The following CFAP61 variants were observed in gnomAD, a reference collection of about 807,000 sequenced individuals.
CFAP61 encodes cilia and flagella associated protein 61, also known as cilia- and flagella-associated protein 61.
In CFAP61, 107 loss-of-function variants were observed where a neutral mutation model predicts 135.6. The observed-to-expected ratio is 0.79, with a 90% CI of 0.67 to 0.93. The LOEUF (loss-of-function observed/expected upper bound fraction) is 0.93, where lower values mean the gene tolerates loss of function less well. CFAP61 is among the 40% of genes least tolerant of loss of function. The pLI is 0.00. For missense variants in CFAP61, 1,507 were observed against 1,556.2 expected, an observed-to-expected ratio of 0.97 and a Z score of 0.53; for synonymous variants, 575 against 578.5, an observed-to-expected ratio of 0.99 and a Z score of 0.09.
intron 25 of CFAP61, 84 bp from the exon 26 acceptor site, chr20:20,341,747 T>C: frequency 1.0e-6 from 1 of 974,574 alleles, no homozygotes; most frequent in Non-Finnish European, 1.6e-6. Flanking sequence ...AACTGTAATT[T>C]ATAAAGGCAA....
At chr20:20,067,487 C>T (rs982530040) in intron 2 of CFAP61, among the ~76,000 whole-genome samples, 61 of 151,436 alleles carry the variant, frequency 4.0e-4, no homozygotes, top group African/African-American at 1.2e-3. Flanking sequence ...ACTAAAAATA[C>T]AAAAATTAGC....
chr20:20,122,557 A>G (rs775758456), intron 8 of CFAP61, among the ~76,000 whole-genome samples: 1 of 152,236 alleles, frequency 6.6e-6, no homozygotes, highest in Non-Finnish European at 1.5e-5. Context: ...ACTTAGAATA[A>G]TAGTCTCTAA....
chr20:20,216,992 C>T (rs1342269174), intron 17 of CFAP61, among the ~76,000 whole-genome samples: 1 of 152,130 alleles, frequency 6.6e-6, no homozygotes, highest in East Asian at 1.9e-4. Context: ...TTCCTGTTGA[C>T]GTTTCTGCTT....
intron 13 of CFAP61, among the ~76,000 whole-genome samples, chr20:20,179,475 C>G (rs994404850): frequency 1.3e-5 from 2 of 152,100 alleles, no homozygotes; most frequent in Non-Finnish European, 2.9e-5. Flanking sequence ...TTTATAGATT[C>G]AATACTATTC....
intron 9 of CFAP61, among the ~76,000 whole-genome samples, chr20:20,156,163 T>TA (rs1258102860): frequency 6.6e-6 from 1 of 151,918 alleles, no homozygotes; most frequent in Non-Finnish European, 1.5e-5. Flanking sequence ...AATATTGAAA[T>TA]AAAAAAATTT....
intron 1 of CFAP61, chr20:20,052,818 C>T (rs983682036): frequency 3.2e-6 from 4 of 1,239,838 alleles, no homozygotes; most frequent in Middle Eastern, 2.4e-4. Context: ...TGCGACGGGG[C>T]GAGCTGCCGC....
At chr20:20,081,237 A>T (rs2046408764) in intron 6 of CFAP61, among the ~76,000 whole-genome samples, 1 of 152,158 alleles carries the variant, frequency 6.6e-6, no homozygotes, top group Non-Finnish European at 1.5e-5. Flanking sequence ...TGGGCAGGGG[A>T]TAGATATGAG....
At chr20:20,170,457 C>A (rs1184159084) in intron 13 of CFAP61, among the ~76,000 whole-genome samples, 1 of 151,896 alleles carries the variant, frequency 6.6e-6, no homozygotes, top group Non-Finnish European at 1.5e-5. Flanking sequence ...AAGGCATGAC[C>A]AGACTGTTTC....
chr20:20,259,869 T>A (rs976602209), intron 20 of CFAP61: 7 of 151,880 alleles, frequency 4.6e-5, no homozygotes, highest in Non-Finnish European at 4.4e-5. Context: ...TATTGCTGAG[T>A]GATGGTGGCA....
intron 8 of CFAP61, among the ~76,000 whole-genome samples, chr20:20,141,284 C>G (rs1312597761): frequency 6.6e-6 from 1 of 152,128 alleles, no homozygotes; most frequent in African/African-American, 2.4e-5. Flanking sequence ...ATTCCCTGAG[C>G]TGTACACTTT....
intron 17 of CFAP61, among the ~76,000 whole-genome samples, chr20:20,205,123 CAGA>C (rs1381217683): frequency 6.6e-6 from 1 of 151,920 alleles, no homozygotes; most frequent in Non-Finnish European, 1.5e-5. Flanking sequence ...AAATATTCAC[CAGA>C]AGGACTTATA....
intron 3 of CFAP61, among the ~76,000 whole-genome samples, chr20:20,072,400 C>T (rs1226162533): frequency 1.3e-5 from 2 of 152,048 alleles, no homozygotes; most frequent in African/African-American, 4.8e-5. Context: ...CAGGTGTGAG[C>T]CACTGTGCCT....
chr20:20,127,821 C>T (rs1181689506), intron 8 of CFAP61, among the ~76,000 whole-genome samples: 1 of 151,630 alleles, frequency 6.6e-6, no homozygotes. Flanking sequence ...GGGGGCATGG[C>T]TAGGCATGTC....
At chr20:20,074,256 C>A (rs143520119) in intron 3 of CFAP61, 46 bp from the exon 4 acceptor site, 1 of 1,542,414 alleles carries the variant, frequency 6.5e-7, no homozygotes, top group Non-Finnish European at 9.0e-7. Context: ...TGACCTAGCC[C>A]GAATACTGAC....
chr20:20,092,685 T>TA (rs34205914), intron 7 of CFAP61, among the ~76,000 whole-genome samples: 87,383 of 151,644 alleles, frequency 0.58, 25,528 homozygotes, highest in East Asian at 0.8. Context: ...TAGACACTTT[T>TA]AAAAAAAATG....
intron 13 of CFAP61, among the ~76,000 whole-genome samples, chr20:20,183,840 T>A (rs1288985215): frequency 1.3e-5 from 2 of 152,156 alleles, no homozygotes; most frequent in African/African-American, 4.8e-5. Flanking sequence ...CTGGACAGTG[T>A]CATTTTAGAG....
At chr20:20,287,951 G>A (rs1194384325) in intron 22 of CFAP61, among the ~76,000 whole-genome samples, 1 of 152,164 alleles carries the variant, frequency 6.6e-6, no homozygotes, top group Non-Finnish European at 1.5e-5. Context: ...AGGGGTTGGT[G>A]GCCCCTCTGC....
intron 24 of CFAP61, among the ~76,000 whole-genome samples, chr20:20,292,462 G>T (rs2055058091): frequency 6.6e-6 from 1 of 152,128 alleles, no homozygotes. Flanking sequence ...AAAACACCTA[G>T]TGGCATAAAA....
chr20:20,291,068 A>G (rs1238476617), intron 24 of CFAP61, among the ~76,000 whole-genome samples: 1 of 152,090 alleles, frequency 6.6e-6, no homozygotes, highest in Non-Finnish European at 1.5e-5. Context: ...TTCCCATGTA[A>G]CCCCAACCCT....
Sources: allele counts gnomAD v4.1 joint callset (sites outside exome capture counted in the v4.1 genomes callset), GRCh38; gene constraint gnomAD v4.1.1; transcripts MANE v1.5; gene names NCBI Gene and HGNC (gene_info 2026-07-23, HGNC 2026-07-21).